Variants in CYP2U1 observed in about 807,000 individuals in gnomAD.
CYP2U1 encodes cytochrome P450 2U1.
CYP2U1 carries 28 observed loss-of-function variants against 42.8 expected under a neutral mutation model. That is an observed-to-expected ratio of 0.65 (90% CI 0.48 to 0.90). The LOEUF is 0.90. Among genes scored for constraint, CYP2U1 ranks in the 40% least tolerant of loss-of-function variants. The pLI is 0.00. For synonymous variants in CYP2U1, 296 were observed against 278.9 expected (o/e 1.06, Z -0.61); for missense variants, 642 against 693.8 (o/e 0.93, Z 0.84).
chr4:107,943,592 T>C (rs1560699908), intron 1 of CYP2U1, among the ~76,000 whole-genome samples: 1 of 152,194 alleles, frequency 6.6e-6, no homozygotes, highest in Non-Finnish European at 1.5e-5. Flanking sequence ...GAGCAACCAC[T>C]GCAGATTTGA....
At chr4:107,945,628 GTTCA>G (rs751850360) in intron 2 of CYP2U1, 23 bp downstream of exon 2, 16 of 1,530,980 alleles carry the variant, frequency 1.0e-5, no homozygotes, top group Non-Finnish European at 1.3e-5. Context: ...TGTTTCCTTT[GTTCA>G]TGGCAAAACC....
intron 1 of CYP2U1, among the ~76,000 whole-genome samples, chr4:107,932,793 C>CT (rs1399728770): frequency 1.3e-5 from 2 of 152,324 alleles, no homozygotes; most frequent in African/African-American, 4.8e-5. Context: ...TGAGTCACTC[C>CT]TACGCATCAG....
At chr4:107,948,142 A>C (rs767470976) in intron 3 of CYP2U1, among the ~76,000 whole-genome samples, 15 of 149,286 alleles carry the variant, frequency 1.0e-4, no homozygotes, top group Non-Finnish European at 1.5e-4. Context: ...GTGGTGCACA[A>C]CTGTAGTCCC....
chr4:107,950,312 G>T lies in CYP2U1; in HGVS notation c.1524G>T (p.Met508Ile), dbSNP rs754308246. 8.1e-6 allele frequency: 13 copies of T among 1,613,986 alleles called. No individual in the cohort carries two copies. The highest frequency in any genetic ancestry group is 5.0e-5 in the Admixed American group (3 of 59,994). ...TATTCCTAATGTTTGTGAGCCTAAT[G>T]CAGAGTTTCGCATTTGCTTTACCTG... ...MELFLMFVSL[M>I]QSFAFALPED... The change falls in exon 5 of 5, where the codon ATG becomes ATT. Residue 508 changes from methionine to isoleucine, a missense_variant. Coordinates refer to ENST00000332884, the MANE Select transcript of CYP2U1 (RefSeq NM_183075.3).
chr4:107,947,584 C>T, intron 3 of CYP2U1, 47 bp downstream of exon 3: 1 of 1,598,882 alleles, frequency 6.3e-7, no homozygotes, highest in South Asian at 1.1e-5. Context: ...GGAAGCAGGG[C>T]CCTCTAATCC....
At chr4:107,949,248 T>C (rs141971918) in intron 3 of CYP2U1, 102 bp from the exon 4 acceptor site, 3 of 1,146,608 alleles carry the variant, frequency 2.6e-6, no homozygotes, top group African/African-American at 1.6e-5. Context: ...CCAATTAAAG[T>C]GATAGGTATA....
chr4:107,936,285 T>G (rs967607854), intron 1 of CYP2U1: 8 of 152,246 alleles, frequency 5.3e-5, no homozygotes, highest in African/African-American at 1.9e-4. Context: ...CCCCAAATGT[T>G]TATGTATTAG....
In CYP2U1 at chr4:107,949,508, T is replaced by G; in HGVS notation, c.1447T>G (p.Phe483Val). The G allele has an allele frequency of 6.4e-7, 1 of 1,569,666 alleles. No homozygotes were observed. Among genetic ancestry groups the G allele is most frequent in the Non-Finnish European group, 8.6e-7 (1 of 1,156,958 alleles). Residue 483 changes from phenylalanine to valine, a missense_variant, in exon 4 of 5, where the codon TTT (phenylalanine) becomes GTT (valine). Physicochemically the swap from Phe to Val is conservative, Grantham distance 50. Transcript: ENST00000332884. ...AATTAAAAAAGAAACCTTTATTCCT[T>G]TTGGGATAGGTCAGTTACACTTTTT... ...QLIKKETFIP[F>V]GIGKRVCMGE...
At chr4:107,937,696 G>A (rs1733324089) in intron 1 of CYP2U1, 1 of 145,646 alleles carries the variant, frequency 6.9e-6, no homozygotes, top group Admixed American at 6.9e-5. Flanking sequence ...TTTATCAGAG[G>A]GGGTTTCACT....
chr4:107,946,717 A>C (rs930392766), intron 2 of CYP2U1, among the ~76,000 whole-genome samples: 2 of 152,122 alleles, frequency 1.3e-5, no homozygotes, highest in African/African-American at 2.4e-5. Context: ...ATGAAGTTAG[A>C]GTTAAGATGT....
intron 1 of CYP2U1, among the ~76,000 whole-genome samples, chr4:107,942,051 G>A (rs1733512164): frequency 6.6e-6 from 1 of 152,186 alleles, no homozygotes; most frequent in South Asian, 2.1e-4. Context: ...TAATCATAAA[G>A]AAGGCAGTTT....
intron 1 of CYP2U1, among the ~76,000 whole-genome samples, chr4:107,944,462 C>T (rs1006785234): frequency 6.7e-6 from 1 of 149,182 alleles, no homozygotes. Context: ...TGCCACCACA[C>T]CCGGCTAATT....
intron 1 of CYP2U1, chr4:107,935,584 T>C (rs1287970696): frequency 1.3e-5 from 2 of 152,192 alleles, no homozygotes; most frequent in Admixed American, 1.3e-4. Context: ...AGCAGAGGAT[T>C]TTTTTAATAG....
rs1319179903 is a variant in CYP2U1, at chr4:107,945,334, G to A, written c.855G>A (p.Lys285=). ...ATTACCTTCCCTTTGGACCATTTAA[G>A]GAATTAAGACAAATTGAAAAGGATA... ...WLYYLPFGPF[K]ELRQIEKDIT... is the part of the protein sequence containing the mutation. Residue 285 remains lysine, a synonymous_variant, in exon 2 of 5, where the codon AAG becomes AAA. Coordinates refer to ENST00000332884, the MANE Select transcript of CYP2U1 (RefSeq NM_183075.3). 6.2e-7 allele frequency: 1 copy of A among 1,613,876 alleles called. No individual in the cohort carries two copies. Among genetic ancestry groups the A allele is most frequent in the South Asian group, 1.1e-5 (1 of 91,052 alleles).
At position 107,931,626 on chromosome 4, in the gene CYP2U1, G is replaced by A; in HGVS notation, c.-18G>A. The A allele has an allele frequency of 8.0e-7, 1 of 1,252,276 alleles. No homozygotes were observed. Among genetic ancestry groups the A allele is most frequent in the Non-Finnish European group, 1.0e-6 (1 of 1,002,098 alleles). The allele number at this position is 1,252,276 out of a possible 1,614,324, so 77.6% of individuals were successfully genotyped here. On this transcript the variant is annotated 5_prime_UTR_variant, in exon 1 of 5. Coordinates refer to ENST00000332884, the MANE Select transcript of CYP2U1 (RefSeq NM_183075.3). ...CTCCAGGCAGCAAGGGGAACCCGAG[G>A]CCGCCGGCGCCCGGACCATGTCGTC...
At chr4:107,944,839 C>CATACATACATACATATATATAT (rs1553937413) in intron 1 of CYP2U1, 131 bp from the exon 2 acceptor site, 3 of 63,214 alleles carry the variant, frequency 4.7e-5, no homozygotes, top group African/African-American at 1.9e-4. Context: ...TTTATATATA[C>CATACATACATACATATATATAT]ATATATATAT....
At chr4:107,938,643 T>C (rs1733365085) in intron 1 of CYP2U1, 1 of 152,176 alleles carries the variant, frequency 6.6e-6, no homozygotes. Context: ...GTTCATTCCA[T>C]AGCCTAACTG....
intron 2 of CYP2U1, among the ~76,000 whole-genome samples, chr4:107,946,132 T>G (rs1324600086): frequency 6.6e-6 from 1 of 152,214 alleles, no homozygotes; most frequent in Non-Finnish European, 1.5e-5. Context: ...AACACAAGTT[T>G]CTTAGAGTTC....
chr4:107,933,059 C>T (rs1733098178), intron 1 of CYP2U1, among the ~76,000 whole-genome samples: 1 of 152,218 alleles, frequency 6.6e-6, no homozygotes, highest in African/African-American at 2.4e-5. Context: ...AATGCTATTT[C>T]CTGCCCCTAT....
Sources: allele counts gnomAD v4.1 joint callset (sites outside exome capture counted in the v4.1 genomes callset), GRCh38; gene constraint gnomAD v4.1.1; transcripts MANE v1.5; gene names NCBI Gene and HGNC (gene_info 2026-07-23, HGNC 2026-07-21).